CHN2: variants seen among roughly 807,000 people sequenced by gnomAD.
CHN2 encodes chimerin 2.
CHN2 carries 35 observed loss-of-function variants against 56.3 expected under a neutral mutation model. The ratio of observed to expected loss-of-function variants is 0.62; its 90% CI spans 0.47 to 0.82. The LOEUF is 0.82. CHN2 is among the 40% of genes least tolerant of loss of function. CHN2 has a pLI of 0.00. For synonymous variants in CHN2, 210 were observed against 212.8 expected, an observed-to-expected ratio of 0.99 and a Z score of 0.12; for missense variants, 491 against 580.5, an observed-to-expected ratio of 0.85 and a Z score of 1.58.
At chr7:29,196,480 C>T (rs1220543194) in intron 1 of CHN2, among the ~76,000 whole-genome samples, 1 of 152,210 alleles carries the variant, frequency 6.6e-6, no homozygotes, top group African/African-American at 2.4e-5. Context: ...TTTTAGTACC[C>T]TCAAACCACT....
chr7:29,336,024 C>T (rs1032087561), intron 1 of CHN2: 11 of 152,232 alleles, frequency 7.2e-5, no homozygotes, highest in African/African-American at 2.7e-4. Context: ...CCTCTTCATT[C>T]TACCAGAAGC....
At chr7:29,193,507 T>G (rs1054976895), upstream of CHN2, 3 of 152,248 alleles carry the variant, frequency 2.0e-5, no homozygotes, top group Admixed American at 6.5e-5. Flanking sequence ...TTTCATTCCT[T>G]TAATGTTTGC....
At chr7:29,470,710 CA>C (rs1453967172) in intron 6 of CHN2, among the ~76,000 whole-genome samples, 1 of 152,184 alleles carries the variant, frequency 6.6e-6, no homozygotes, top group Non-Finnish European at 1.5e-5. Flanking sequence ...CAAGAAAATG[CA>C]ATTTGACAAA....
intron 2 of CHN2, among the ~76,000 whole-genome samples, chr7:29,163,316 T>C (rs2128713816): frequency 6.6e-6 from 1 of 152,234 alleles, no homozygotes; most frequent in Non-Finnish European, 1.5e-5. Context: ...TTATAGTTTT[T>C]ATATTGATTA....
intron 1 of CHN2, among the ~76,000 whole-genome samples, chr7:29,324,206 A>G (rs1467257994): frequency 6.6e-6 from 1 of 152,146 alleles, no homozygotes; most frequent in African/African-American, 2.4e-5. Flanking sequence ...TACAATAGTG[A>G]TGCTATTTGC....
At chr7:29,207,637 A>G (rs2128775812) in intron 1 of CHN2, among the ~76,000 whole-genome samples, 1 of 152,298 alleles carries the variant, frequency 6.6e-6, no homozygotes, top group South Asian at 2.1e-4. Flanking sequence ...TCCAGGAAGC[A>G]AGTTTCTCTA....
chr7:29,416,872 G>A (rs552787566), intron 6 of CHN2, among the ~76,000 whole-genome samples: 1 of 152,308 alleles, frequency 6.6e-6, no homozygotes, highest in African/African-American at 2.4e-5. Flanking sequence ...TCTCTAAGTA[G>A]TGATTGCTTT....
At chr7:29,455,286 G>A (rs577401445) in intron 6 of CHN2, among the ~76,000 whole-genome samples, 1 of 152,316 alleles carries the variant, frequency 6.6e-6, no homozygotes, top group South Asian at 2.1e-4. Flanking sequence ...TAGTTTGCTG[G>A]TGATGCGGGA....
At chr7:29,509,449 G>A in intron 12 of CHN2, 43 bp downstream of exon 12, 1 of 1,490,828 alleles carries the variant, frequency 6.7e-7, no homozygotes, top group South Asian at 1.1e-5. Flanking sequence ...TGCTCCTAGA[G>A]CGGTTAATGC....
chr7:29,484,591 T>C (rs1417446900), intron 7 of CHN2, among the ~76,000 whole-genome samples: 2 of 152,196 alleles, frequency 1.3e-5, no homozygotes, highest in East Asian at 3.8e-4. Flanking sequence ...CATCTTCTTA[T>C]AAGGTTGCCA....
At chr7:29,444,599 C>T (rs1682277336) in intron 6 of CHN2, among the ~76,000 whole-genome samples, 1 of 152,238 alleles carries the variant, frequency 6.6e-6, no homozygotes, top group African/African-American at 2.4e-5. Context: ...TACAAAATGA[C>T]TCAAGGCCTC....
intron 3 of CHN2, among the ~76,000 whole-genome samples, chr7:29,369,847 G>C (rs1161752376): frequency 6.6e-6 from 1 of 152,180 alleles, no homozygotes; most frequent in Non-Finnish European, 1.5e-5. Context: ...CATGTCTCTT[G>C]TTTCCCCCTT....
intron 1 of CHN2, among the ~76,000 whole-genome samples, chr7:29,285,938 C>T (rs994072622): frequency 5.5e-4 from 83 of 152,142 alleles, no homozygotes; most frequent in Non-Finnish European, 1.9e-4. Context: ...CAAAAACTTA[C>T]AAATCCAACT....
chr7:29,231,504 T>G (rs1324883882), intron 1 of CHN2, among the ~76,000 whole-genome samples: 1 of 152,194 alleles, frequency 6.6e-6, no homozygotes, highest in Non-Finnish European at 1.5e-5. Flanking sequence ...CCTCATCTGA[T>G]GCTCTGAGCT....
chr7:29,235,850 C>T (rs925006863), intron 1 of CHN2, among the ~76,000 whole-genome samples: 18 of 152,136 alleles, frequency 1.2e-4, no homozygotes, highest in Admixed American at 5.2e-4. Flanking sequence ...TACACAGACA[C>T]AAAGAAGGGA....
chr7:29,309,346 A>G (rs1350849358), intron 1 of CHN2, among the ~76,000 whole-genome samples: 1 of 152,072 alleles, frequency 6.6e-6, no homozygotes, highest in Non-Finnish European at 1.5e-5. Context: ...CTGCTCTTGT[A>G]TTTCTGAGAA....
Position 29,319,907 on chromosome 7 carries a change from C to T in CHN2, c.50-34718C>T, listed in dbSNP as rs534132698. 3.3e-5 allele frequency among the ~76,000 whole-genome samples: 5 copies of T among 152,298 alleles called. No individual in the cohort carries two copies. In the East Asian group the frequency reaches 9.7e-4, roughly 29 times the overall value. On this transcript the variant is annotated intron_variant, in intron 1 of 12. Coordinates refer to ENST00000222792, the MANE Select transcript of CHN2 (RefSeq NM_004067.4). ...GACCAGTGCCTTTGTGCCCCTTCCC[C>T]TCCCCGACCTCACTGGCCCTGGCTT...
chr7:29,224,020 C>T (rs1785998993), intron 1 of CHN2, among the ~76,000 whole-genome samples: 1 of 152,100 alleles, frequency 6.6e-6, no homozygotes, highest in Non-Finnish European at 1.5e-5. Flanking sequence ...ATTTCAAGAA[C>T]AGGAAGACTT....
intron 6 of CHN2, among the ~76,000 whole-genome samples, chr7:29,463,462 G>T (rs10499582): frequency 0.26 from 39,080 of 152,004 alleles, 5,428 homozygotes; most frequent in East Asian, 0.35. Flanking sequence ...TCTCCTTAGG[G>T]TCTCGGCTTT....
Sources: allele counts gnomAD v4.1 joint callset (sites outside exome capture counted in the v4.1 genomes callset), GRCh38; gene constraint gnomAD v4.1.1; transcripts MANE v1.5; gene names NCBI Gene and HGNC (gene_info 2026-07-23, HGNC 2026-07-21).